The following DNAH17 variants were observed in gnomAD, a reference collection of about 807,000 sequenced individuals.
DNAH17 encodes the protein axonemal beta dynein heavy chain 17.
DNAH17 carries 376 observed loss-of-function variants against 485.6 expected under a neutral mutation model. The ratio of observed to expected loss-of-function variants is 0.77; its 90% CI spans 0.71 to 0.84. The LOEUF (loss-of-function observed/expected upper bound fraction) is 0.84, where lower values mean the gene tolerates loss of function less well. DNAH17 is among the 40% of genes least tolerant of loss of function. The pLI is 0.00. For missense variants in DNAH17, 6,370 were observed against 5,839.3 expected (o/e 1.09, Z -2.96); for synonymous variants, 3,031 against 2,405.9 (o/e 1.26, Z -7.60).
chr17:78,567,687 C>T (rs1440443702), intron 9 of DNAH17, among the ~76,000 whole-genome samples: 3 of 152,170 alleles, frequency 2.0e-5, no homozygotes, highest in Non-Finnish European at 4.4e-5. Flanking sequence ...GCTTCCTCGC[C>T]GGTGTGGCTC....
intron 16 of DNAH17, 56 bp from the exon 17 acceptor site, chr17:78,544,053 G>C: frequency 6.2e-7 from 1 of 1,609,652 alleles, no homozygotes; most frequent in African/African-American, 1.3e-5. Context: ...GCTTTCAGTC[G>C]CAGTCCTTTG....
In DNAH17 at chr17:78,571,631, A is replaced by C. The variant is rs1018364105; in HGVS notation, c.691T>G (p.Trp231Gly). 1.2e-6 allele frequency: 2 copies of C among 1,614,006 alleles called. No individual in the cohort carries two copies. The highest frequency in any genetic ancestry group is 1.7e-6 in the Non-Finnish European group (2 of 1,179,898). Residue 231 changes from tryptophan to glycine, a missense_variant, in exon 4 of 81, where the codon TGG becomes GGG. Trp to Gly is a radical substitution (Grantham distance 184, BLOSUM62 -2). Transcript: ENST00000389840. ...TTGAGGTTCAGCAGCCGAGTGTCCC[A>C]GAACTCGAACTCCACTTGGGGCAGG... ...HPLPQVEFEF[W>G]DTRLLNLKCI...
chr17:78,516,434 C>T (rs1403363483), intron 25 of DNAH17, among the ~76,000 whole-genome samples: 1 of 152,200 alleles, frequency 6.6e-6, no homozygotes, highest in African/African-American at 2.4e-5. Context: ...CGCCTGCAAT[C>T]CCAGCACTTT....
intron 42 of DNAH17, among the ~76,000 whole-genome samples, chr17:78,491,888 C>A (rs2089873694): frequency 6.6e-6 from 1 of 152,236 alleles, no homozygotes; most frequent in Admixed American, 6.5e-5. Flanking sequence ...ACCTGTGCAC[C>A]CAGCTCTGTC....
In DNAH17 at chr17:78,552,803, T is replaced by A. The variant is rs1268299675; in HGVS notation, c.2181A>T (p.Ile727=). The change falls in exon 15 of 81, where the codon ATA becomes ATT. Residue 727 remains isoleucine, a splice_region_variant and synonymous_variant. Transcript: ENST00000389840. The part of the protein sequence containing the change: ...LELIVGWYNE[I]KTIVKAVEFL... Reference sequence around the variant, plus strand: ...ATTCTACTGCCTTCACTATAGTCTTTATCTGAAAAACAGAGGTGACAGGTT... The same window carrying A: ...ATTCTACTGCCTTCACTATAGTCTTAATCTGAAAAACAGAGGTGACAGGTT... 2.5e-5 allele frequency: 40 copies of A among 1,605,434 alleles called. No individual in the cohort carries two copies. The highest frequency in any genetic ancestry group is 3.2e-5 in the Non-Finnish European group (38 of 1,172,298).
chr17:78,557,964 G>A (rs1598724516), intron 14 of DNAH17, 144 bp downstream of exon 14: 2 of 1,015,174 alleles, frequency 2.0e-6, no homozygotes, highest in East Asian at 5.3e-5. Context: ...TACTCAGTAA[G>A]TATGCAGTGA....
rs1321685258 is a variant in DNAH17 at position 78,526,634 on chromosome 17, C to T, written c.3711+17G>A. ...TTCCCAGACTTACCCCCTGATCTCA[C>T]CCTTGAGCAAAAATACCTTATTCAG... On this transcript the variant is annotated intron_variant, in intron 24 of 80. Transcript: ENST00000389840. 3 of 1,584,494 alleles carry T rather than the reference C, an allele frequency of 1.9e-6. No individual in the cohort carries two copies. Among genetic ancestry groups the T allele is most frequent in the East Asian group, 4.5e-5 (2 of 44,410 alleles).
intron 16 of DNAH17, among the ~76,000 whole-genome samples, chr17:78,545,230 G>A (rs944922881): frequency 3.3e-5 from 5 of 152,186 alleles, no homozygotes; most frequent in African/African-American, 9.7e-5. Context: ...GAACATAAAC[G>A]ATATGATTAA....
intron 74 of DNAH17, among the ~76,000 whole-genome samples, chr17:78,437,144 G>A (rs962147762): frequency 6.6e-6 from 1 of 152,180 alleles, no homozygotes; most frequent in African/African-American, 2.4e-5. Flanking sequence ...TGGGTCAGAG[G>A]GGGGCTGAAG....
chr17:78,428,327 C>T, intron 77 of DNAH17, 198 bp downstream of exon 77: 1 of 663,796 alleles, frequency 1.5e-6, no homozygotes, highest in Non-Finnish European at 2.7e-6. Context: ...TCACCCGAAG[C>T]CTGCAGCTGC....
At position 78,475,660 on chromosome 17, in the gene DNAH17, C is replaced by G; in HGVS notation, c.8319+9G>C. 6.2e-7 allele frequency: 1 copy of G among 1,613,304 alleles called. No individual in the cohort carries two copies. Reference sequence around the variant, plus strand: ...CCCGTGCCCTTGCTATCAGCTCCAGCCTGCTCACCAAATTCATGACTGCAT... The same window carrying G: ...CCCGTGCCCTTGCTATCAGCTCCAGGCTGCTCACCAAATTCATGACTGCAT... On this transcript the variant is annotated intron_variant, in intron 53 of 80. Transcript: ENST00000389840.
intron 48 of DNAH17, 128 bp downstream of exon 48, chr17:78,484,740 C>CCCCCCCGG: frequency 9.0e-6 from 3 of 332,056 alleles, no homozygotes; most frequent in Non-Finnish European, 1.4e-5. Flanking sequence ...CGTTGCAGCA[C>CCCCCCCGG]CCCCCCCACC....
chr17:78,450,938 G>T, intron 66 of DNAH17, 92 bp from the exon 67 acceptor site: 1 of 1,511,050 alleles, frequency 6.6e-7, no homozygotes, highest in Non-Finnish European at 9.0e-7. Flanking sequence ...CTGAGCCAAG[G>T]CCCAGGCTTT....
At chr17:78,494,322 ATG>A in intron 40 of DNAH17, 149 bp from the exon 41 acceptor site, 2 of 1,241,990 alleles carry the variant, frequency 1.6e-6, no homozygotes, top group Non-Finnish European at 2.2e-6. Flanking sequence ...TCTGCTGTCA[ATG>A]CCGAGAGTTG....
chr17:78,468,032 AAG>A (rs56248373), intron 55 of DNAH17, among the ~76,000 whole-genome samples: 1,890 of 134,964 alleles, frequency 0.014, 21 homozygotes, highest in Non-Finnish European at 0.023. Context: ...AAAAAAAAAA[AAG>A]AGAGAGAGAG....
At chr17:78,545,054 GTCAC>G (rs2091721512) in intron 16 of DNAH17, among the ~76,000 whole-genome samples, 2 of 150,264 alleles carry the variant, frequency 1.3e-5, no homozygotes, top group South Asian at 2.1e-4. Context: ...GGCTGCCTCT[GTCAC>G]TCTTATCATT....
In DNAH17 at chr17:78,450,236, C is replaced by A; in HGVS notation, c.11040+18G>T. ...CCCCACCTTGAGGGAGGCACCCAGC[C>A]CCAGCTGCAGGGCGCACCTTGAGGG... On this transcript the variant is annotated intron_variant, in intron 68 of 80. Coordinates refer to ENST00000389840, the MANE Select transcript of DNAH17 (RefSeq NM_173628.4). 3 of 1,612,962 alleles carry A rather than the reference C, an allele frequency of 1.9e-6. No individual in the cohort carries two copies. Among genetic ancestry groups the A allele is most frequent in the Non-Finnish European group, 1.7e-6 (2 of 1,179,242 alleles).
chr17:78,453,223 C>T, intron 65 of DNAH17, 120 bp downstream of exon 65: 1 of 1,384,918 alleles, frequency 7.2e-7, no homozygotes, highest in South Asian at 1.3e-5. Context: ...TTTGTCAAAG[C>T]CCTTGCTGCT....
chr17:78,516,816 C>CA (rs1415687856), intron 25 of DNAH17, among the ~76,000 whole-genome samples: 3 of 152,000 alleles, frequency 2.0e-5, no homozygotes, highest in Admixed American at 6.6e-5. Context: ...CCTGTGTCTC[C>CA]AAACATGTTT....
Sources: gnomAD v4.1 joint callset for allele counts (sites outside exome capture counted in the v4.1 genomes callset) on GRCh38, gnomAD v4.1.1 for gene constraint, MANE v1.5 for transcripts, NCBI Gene and HGNC (gene_info 2026-07-23, HGNC 2026-07-21) for gene names.